GABRG3: variants seen among roughly 807,000 people sequenced by gnomAD.
GABRG3 encodes gamma-aminobutyric acid type A receptor subunit gamma3.
Under a neutral mutation model 48.8 loss-of-function variants are expected in GABRG3, and 25 were observed. That is an observed-to-expected ratio of 0.51 (90% CI 0.37 to 0.72). GABRG3 has a LOEUF of 0.72. GABRG3 is among the 30% of genes least tolerant of loss of function. GABRG3 has a pLI of 0.00. For missense variants in GABRG3, 394 were observed against 577.9 expected (o/e 0.68, Z 3.26); for synonymous variants, 227 against 217.6 (o/e 1.04, Z -0.38).
At chr15:27,081,045 C>T (rs1331403243) in intron 3 of GABRG3, among the ~76,000 whole-genome samples, 1 of 152,178 alleles carries the variant, frequency 6.6e-6, no homozygotes, top group East Asian at 1.9e-4. Flanking sequence ...TGGCTGAGGG[C>T]ACACAGCTGA....
At chr15:27,292,447 A>T (rs544909637) in intron 3 of GABRG3, among the ~76,000 whole-genome samples, 1 of 152,290 alleles carries the variant, frequency 6.6e-6, no homozygotes, top group East Asian at 1.9e-4. Flanking sequence ...AATGAAAAAA[A>T]AATCCTTCCC....
intron 4 of GABRG3, among the ~76,000 whole-genome samples, chr15:27,327,643 G>A (rs1329577307): frequency 6.6e-6 from 1 of 152,158 alleles, no homozygotes; most frequent in Non-Finnish European, 1.5e-5. Context: ...ACTCCTGTCT[G>A]CTCGCCCAGC....
chr15:27,515,467 A>G (rs1405976000), intron 6 of GABRG3, among the ~76,000 whole-genome samples: 1 of 152,188 alleles, frequency 6.6e-6, no homozygotes, highest in Non-Finnish European at 1.5e-5. Context: ...TTGAAGAATA[A>G]GATGGAGAAC....
intron 2 of GABRG3, among the ~76,000 whole-genome samples, chr15:27,000,770 T>C (rs1390263259): frequency 6.6e-6 from 1 of 152,200 alleles, no homozygotes; most frequent in Non-Finnish European, 1.5e-5. Context: ...CAGTACAGCC[T>C]GCAGAACCGT....
intron 5 of GABRG3, among the ~76,000 whole-genome samples, chr15:27,380,908 G>A (rs929411867): frequency 1.3e-5 from 2 of 151,976 alleles, no homozygotes; most frequent in African/African-American, 4.8e-5. Context: ...TGGGACTACA[G>A]GCGCCTGCCA....
At chr15:27,480,147 C>G (rs2150844671) in intron 5 of GABRG3, among the ~76,000 whole-genome samples, 1 of 152,336 alleles carries the variant, frequency 6.6e-6, no homozygotes, top group African/African-American at 2.4e-5. Flanking sequence ...CAACATTCAC[C>G]TATCAAAGCT....
chr15:27,475,060 G>A (rs1179554264), intron 5 of GABRG3, among the ~76,000 whole-genome samples: 1 of 152,162 alleles, frequency 6.6e-6, no homozygotes. Flanking sequence ...AACCTGGAAG[G>A]TGGAGGTTGC....
intron 2 of GABRG3, among the ~76,000 whole-genome samples, chr15:27,017,185 G>T (rs946828884): frequency 6.6e-6 from 1 of 152,146 alleles, no homozygotes; most frequent in African/African-American, 2.4e-5. Context: ...ACTTTCACCA[G>T]TCAGCATGGC....
chr15:27,220,991 C>CTT (rs72305305), intron 3 of GABRG3, among the ~76,000 whole-genome samples: 1 of 149,022 alleles, frequency 6.7e-6, no homozygotes, highest in African/African-American at 2.5e-5. Flanking sequence ...GGAATTGCTT[C>CTT]TTTTTTTTTT....
At position 27,348,155 on chromosome 15, in the gene GABRG3, C is replaced by CAAAAAAAAAAAAAAAAAAAAAAAA. The variant is rs535295684; in HGVS notation, c.574+19270_574+19271insAAAAAAAAAAAAAAAAAAAAAAAA. ...TGGGTGACAGAGCGAGACTCCATCT[C>CAAAAAAAAAAAAAAAAAAAAAAAA]AAATAAATAAAGAGTTGGAGATTTT... On this transcript the variant is annotated intron_variant, in intron 5 of 9. Coordinates refer to ENST00000615808, the MANE Select transcript of GABRG3 (RefSeq NM_033223.5). Among the ~76,000 whole-genome samples, 26 of 102,968 alleles carry CAAAAAAAAAAAAAAAAAAAAAAAA rather than the reference C, an allele frequency of 2.5e-4. 5 individuals are homozygous for CAAAAAAAAAAAAAAAAAAAAAAAA. Among genetic ancestry groups the CAAAAAAAAAAAAAAAAAAAAAAAA allele is most frequent in the African/African-American group, 1.1e-3 (24 of 21,946 alleles). 67.6% of individuals were successfully genotyped at this position (102,968 alleles called of 152,430 possible). A position where few individuals can be genotyped will look rare whatever the true frequency, so the allele number is the denominator to read the frequency against.
chr15:27,453,472 GGAATA>G (rs1235854711), intron 5 of GABRG3, among the ~76,000 whole-genome samples: 2 of 152,108 alleles, frequency 1.3e-5, no homozygotes, highest in African/African-American at 4.8e-5. Context: ...CATATACTCA[GGAATA>G]GAATAGTTGC....
intron 2 of GABRG3, among the ~76,000 whole-genome samples, chr15:26,994,198 A>G (rs1283410415): frequency 6.6e-6 from 1 of 151,750 alleles, no homozygotes; most frequent in African/African-American, 2.4e-5. Context: ...TAGTCCATTT[A>G]CATTCAATGT....
chr15:27,048,509 G>T (rs1165029069), intron 3 of GABRG3, among the ~76,000 whole-genome samples: 3 of 152,182 alleles, frequency 2.0e-5, no homozygotes, highest in African/African-American at 7.2e-5. Context: ...GCAGGCAGGT[G>T]GCTGGGGCTT....
intron 3 of GABRG3, among the ~76,000 whole-genome samples, chr15:27,107,429 A>G (rs1897470325): frequency 2.0e-5 from 3 of 152,106 alleles, no homozygotes; most frequent in Admixed American, 2.0e-4. Flanking sequence ...ACATTTATGT[A>G]TTCCTAGATT....
At chr15:27,206,407 G>A (rs531092048) in intron 3 of GABRG3, among the ~76,000 whole-genome samples, 6 of 152,130 alleles carry the variant, frequency 3.9e-5, no homozygotes, top group Non-Finnish European at 8.8e-5. Context: ...TTGTGCTGTG[G>A]TCTGAAAGTG....
chr15:27,146,280 C>G (rs1898207794), intron 3 of GABRG3, among the ~76,000 whole-genome samples: 1 of 152,114 alleles, frequency 6.6e-6, no homozygotes. Context: ...CGTTGAAACC[C>G]TGTCTCTACT....
intron 5 of GABRG3, among the ~76,000 whole-genome samples, chr15:27,420,527 T>TAA (rs1443957729): frequency 6.6e-6 from 1 of 152,126 alleles, no homozygotes; most frequent in African/African-American, 2.4e-5. Context: ...GAGTAGATCT[T>TAA]AAGAGTTCTC....
chr15:27,518,703 AG>A (rs1397662186), intron 6 of GABRG3, among the ~76,000 whole-genome samples: 1 of 152,160 alleles, frequency 6.6e-6, no homozygotes, highest in Non-Finnish European at 1.5e-5. Flanking sequence ...GGCAAGTCTG[AG>A]GCCCTGGGTA....
At chr15:27,128,405 A>T (rs1336972028) in intron 3 of GABRG3, among the ~76,000 whole-genome samples, 2 of 152,070 alleles carry the variant, frequency 1.3e-5, no homozygotes, top group South Asian at 4.1e-4. Context: ...CAGGTACCGG[A>T]ATTATTTAAA....
Sources: allele counts gnomAD v4.1 joint callset (sites outside exome capture counted in the v4.1 genomes callset), GRCh38; gene constraint gnomAD v4.1.1; transcripts MANE v1.5; gene names NCBI Gene and HGNC (gene_info 2026-07-23, HGNC 2026-07-21).